The following IFT80 variants were observed in gnomAD, a reference collection of about 807,000 sequenced individuals.
The protein encoded by IFT80 is intraflagellar transport 80.
Under a neutral mutation model 107.9 loss-of-function variants are expected in IFT80, and 79 were observed. That is an observed-to-expected ratio of 0.73 (90% CI 0.61 to 0.88). The LOEUF is 0.88. IFT80 is among the 40% of genes least tolerant of loss of function. The probability of loss-of-function intolerance (pLI) is 0.00; values close to 1 mark genes in which losing one functional copy is unlikely to be tolerated. For synonymous variants in IFT80, 299 were observed against 300.9 expected (o/e 0.99, Z 0.07); for missense variants, 797 against 914.2 (o/e 0.87, Z 1.65).
At chr3:160,348,741 T>C (rs2108348391) in intron 8 of IFT80, among the ~76,000 whole-genome samples, 1 of 152,358 alleles carries the variant, frequency 6.6e-6, no homozygotes. Flanking sequence ...TGTGATGAAA[T>C]ATTATTTGTC....
chr3:160,329,868 C>T (rs2108315335), intron 8 of IFT80, among the ~76,000 whole-genome samples: 1 of 152,094 alleles, frequency 6.6e-6, no homozygotes, highest in East Asian at 1.9e-4. Flanking sequence ...GGGTCCTCAT[C>T]CATGAACCTA....
chr3:160,321,255 A>G (rs1718191486), intron 8 of IFT80, among the ~76,000 whole-genome samples: 1 of 152,014 alleles, frequency 6.6e-6, no homozygotes, highest in South Asian at 2.1e-4. Flanking sequence ...GGGCGATAAA[A>G]TGAAATTAAT....
intron 2 of IFT80, among the ~76,000 whole-genome samples, chr3:160,382,626 T>C (rs1712609443): frequency 6.6e-6 from 1 of 152,198 alleles, no homozygotes; most frequent in African/African-American, 2.4e-5. Context: ...ATGTTTTCTC[T>C]TGCTACGTCT....
intron 19 of IFT80, among the ~76,000 whole-genome samples, chr3:160,261,636 C>CA (rs1391134833): frequency 1.3e-5 from 2 of 149,066 alleles, no homozygotes; most frequent in African/African-American, 4.9e-5. Context: ...CCTGTCTATA[C>CA]AAAAAAATAA....
chr3:160,388,678 A>C (rs1053365850), intron 1 of IFT80, among the ~76,000 whole-genome samples: 5 of 151,334 alleles, frequency 3.3e-5, no homozygotes, highest in African/African-American at 1.2e-4. Context: ...TAGGTAGCTA[A>C]AAAGAACTAA....
At chr3:160,393,984 C>A (rs1462053921) in intron 1 of IFT80, among the ~76,000 whole-genome samples, 2 of 152,150 alleles carry the variant, frequency 1.3e-5, no homozygotes, top group African/African-American at 4.8e-5. Flanking sequence ...CAGTTTTTAT[C>A]AACGGTCCCC....
In IFT80 at chr3:160,268,486, G is replaced by A; in HGVS notation, c.2150C>T (p.Ala717Val). 3 of 1,612,974 alleles carry A rather than the reference G, an allele frequency of 1.9e-6. No homozygotes were observed. In the South Asian group the frequency reaches 3.3e-5, roughly 18 times the overall value. Residue 717 changes from alanine to valine, a missense_variant, in exon 19 of 20, where the codon GCT becomes GTT. By Grantham distance (64) the Ala-to-Val change is moderately conservative. Transcript: ENST00000326448. ...KYKTHVDTVL[A>V]YRQKFLETFG... ...TGTCTCCAAAAACTTTTGACGGTAA[G>A]CAAGAACTGTATCAACATGTGTTTT...
chr3:160,322,297 G>A lies in IFT80; in HGVS notation c.778-2358C>T, dbSNP rs141310617. Among the ~76,000 whole-genome samples the A allele has an allele frequency of 6.7e-5, 10 of 148,730 alleles. No individual in the cohort carries two copies. The East Asian group carries it at 1.0e-3, about 15-fold the overall frequency. ...GAGAACATGTGGTGTTTGGTTTTTC[G>A]TCCTTGCAATAGTTTACTGAGAATG... On this transcript the variant is annotated intron_variant, in intron 8 of 19. Coordinates refer to ENST00000326448, the MANE Select transcript of IFT80 (RefSeq NM_020800.3).
At chr3:160,323,834 C>T (rs1483548644) in intron 8 of IFT80, among the ~76,000 whole-genome samples, 1 of 151,902 alleles carries the variant, frequency 6.6e-6, no homozygotes, top group Non-Finnish European at 1.5e-5. Flanking sequence ...ATTAATGAAT[C>T]CAGGAGTTGG....
At chr3:160,372,384 A>C (rs1412479119) in intron 5 of IFT80, among the ~76,000 whole-genome samples, 1 of 152,140 alleles carries the variant, frequency 6.6e-6, no homozygotes, top group African/African-American at 2.4e-5. Context: ...TCACCCTCAA[A>C]ACTTGCAGTC....
At chr3:160,347,186 T>A (rs936885897) in intron 8 of IFT80, among the ~76,000 whole-genome samples, 12 of 152,052 alleles carry the variant, frequency 7.9e-5, no homozygotes, top group African/African-American at 2.9e-4. Context: ...AGAACCCAGG[T>A]TGCCATCATT....
intron 6 of IFT80, among the ~76,000 whole-genome samples, chr3:160,362,533 T>C (rs943512885): frequency 1.3e-5 from 2 of 152,192 alleles, no homozygotes; most frequent in African/African-American, 4.8e-5. Flanking sequence ...GCCAGCATCA[T>C]GCTGATACGA....
chr3:160,316,843 C>A (rs978922055), intron 9 of IFT80, among the ~76,000 whole-genome samples: 2 of 152,046 alleles, frequency 1.3e-5, no homozygotes, highest in Admixed American at 1.3e-4. Context: ...CCTGGAACTA[C>A]CAAGGCCACA....
intron 9 of IFT80, among the ~76,000 whole-genome samples, chr3:160,319,423 C>T (rs963049120): frequency 6.6e-6 from 1 of 151,970 alleles, no homozygotes; most frequent in Non-Finnish European, 1.5e-5. Flanking sequence ...ATTAGGCCTG[C>T]CTTGGATTCA....
chr3:160,268,271 A>C lies in IFT80; in HGVS notation c.2223+142T>G, dbSNP rs532099377. The C allele has an allele frequency of 2.4e-4, 173 of 708,272 alleles. 5 individuals carry two copies. The South Asian group carries it at 3.2e-3, about 13-fold the overall frequency. 43.9% of individuals were successfully genotyped at this position (708,272 alleles called of 1,614,324 possible). A position where few individuals can be genotyped will look rare whatever the true frequency, so the allele number is the denominator to read the frequency against. On this transcript the variant is annotated intron_variant, in intron 19 of 19. Coordinates refer to ENST00000326448, the MANE Select transcript of IFT80 (RefSeq NM_020800.3). ...TTAGTACTATAATTACAGTCAAAATAAGATGTCATAAGGCAAAAAGTAATT... is the reference window on the plus strand; with the variant it reads ...TTAGTACTATAATTACAGTCAAAATCAGATGTCATAAGGCAAAAAGTAATT...
chr3:160,268,264 T>C, intron 19 of IFT80, 149 bp downstream of exon 19: 1 of 683,634 alleles, frequency 1.5e-6, no homozygotes. Flanking sequence ...ATAATTACAG[T>C]CAAAATAAGA....
At chr3:160,366,264 T>A in intron 5 of IFT80, 112 bp from the exon 6 acceptor site, 1 of 753,578 alleles carries the variant, frequency 1.3e-6, no homozygotes, top group East Asian at 2.6e-5. Context: ...TCATTTCATT[T>A]CTTCTCTTTT....
chr3:160,315,101 G>GAGAA (rs1314714544), intron 9 of IFT80, among the ~76,000 whole-genome samples: 6 of 149,162 alleles, frequency 4.0e-5, no homozygotes, highest in Non-Finnish European at 7.5e-5. Flanking sequence ...AAAAGAGAGA[G>GAGAA]AGAAAGAAAG....
Position 160,303,947 on chromosome 3 carries a change from T to C in IFT80, c.1119A>G (p.Glu373=). 6.2e-7 allele frequency: 1 copy of C among 1,611,628 alleles called. No individual in the cohort carries two copies. Among genetic ancestry groups the C allele is most frequent in the Non-Finnish European group, 8.5e-7 (1 of 1,178,032 alleles). Residue 373 remains glutamate, a synonymous_variant, in exon 11 of 20, where the codon GAA becomes GAG. Transcript: ENST00000326448. ...CCTGCAGAATCAAACTAACAGTTCC[T>C]TCTTTGAGATCAAATATAATTGGTG... is the stretch of plus-strand genomic sequence containing the variant. ...WNTPIIFDLK[E]GTVSLILQAE...
Sources: allele counts gnomAD v4.1 joint callset (sites outside exome capture counted in the v4.1 genomes callset), GRCh38; gene constraint gnomAD v4.1.1; transcripts MANE v1.5; gene names NCBI Gene and HGNC (gene_info 2026-07-23, HGNC 2026-07-21).